Variants in ITGB3 observed in about 807,000 individuals in gnomAD.
The protein encoded by ITGB3 is integrin beta-3.
A neutral mutation model predicts 85.8 loss-of-function variants in ITGB3; 48 were observed. The ratio of observed to expected loss-of-function variants is 0.56; its 90% confidence interval spans 0.44 to 0.71. The LOEUF is 0.71. Ranked by LOEUF, ITGB3 falls within the 30% of genes least tolerant of loss-of-function variation. ITGB3 has a pLI of 0.00. For synonymous variants in ITGB3, 363 were observed against 395.6 expected (o/e 0.92, Z 0.98); for missense variants, 861 against 1,019.1 (o/e 0.84, Z 2.11).
rs774223317 is a variant in ITGB3, at chr17:47,283,351, C to T, written c.166-3C>T. The T allele has an allele frequency of 3.7e-6, 6 of 1,614,180 alleles. No homozygotes were observed. The highest frequency in any genetic ancestry group is 5.1e-6 in the Non-Finnish European group (6 of 1,180,012). On this transcript the variant is annotated splice_polypyrimidine_tract_variant and splice_region_variant and intron_variant, in intron 2 of 14. Coordinates refer to ENST00000559488, the MANE Select transcript of ITGB3 (RefSeq NM_000212.3). ...GACTTCTCTTTGGGCTCCTGTCTTA[C>T]AGGCCCTGCCTCTGGGCTCACCTCG...
chr17:47,261,165 G>T (rs2065007617), intron 1 of ITGB3, among the ~76,000 whole-genome samples: 1 of 152,102 alleles, frequency 6.6e-6, no homozygotes, highest in Non-Finnish European at 1.5e-5. Flanking sequence ...TGCTGAGTTT[G>T]CCATTCCAAG....
chr17:47,260,059 C>T (rs2065003969), intron 1 of ITGB3, among the ~76,000 whole-genome samples: 1 of 147,260 alleles, frequency 6.8e-6, no homozygotes, highest in East Asian at 2.1e-4. Context: ...CATTTCCCCT[C>T]GCATTTATGT....
intron 1 of ITGB3, among the ~76,000 whole-genome samples, chr17:47,263,898 T>C (rs1252191312): frequency 2.0e-5 from 3 of 152,214 alleles, no homozygotes; most frequent in Non-Finnish European, 4.4e-5. Flanking sequence ...ACAAAAATCC[T>C]TCCTGTTTTT....
intron 14 of ITGB3, among the ~76,000 whole-genome samples, chr17:47,308,141 G>A (rs1181808718): frequency 1.2e-5 from 1 of 83,974 alleles, no homozygotes; most frequent in African/African-American, 5.2e-5. Flanking sequence ...CTGGGTGACA[G>A]AGCAGGACTC....
At chr17:47,296,999 T>C (rs895887534) in intron 10 of ITGB3, among the ~76,000 whole-genome samples, 6 of 152,208 alleles carry the variant, frequency 3.9e-5, no homozygotes, top group East Asian at 1.9e-4. Flanking sequence ...AAATTTCTCA[T>C]TGAGATCAAG....
intron 2 of ITGB3, among the ~76,000 whole-genome samples, chr17:47,275,277 G>A (rs1472513602): frequency 6.6e-6 from 1 of 152,172 alleles, no homozygotes; most frequent in Non-Finnish European, 1.5e-5. Context: ...GGACAGGAAA[G>A]GGTTAGTTGT....
In ITGB3 at chr17:47,310,440, G is replaced by T; in HGVS notation, c.*236G>T. The T allele has an allele frequency of 1.7e-6, 1 of 605,840 alleles. No homozygotes were observed. The highest frequency in any genetic ancestry group is 3.0e-6 in the Non-Finnish European group (1 of 328,922). The allele number at this position is 605,840 out of a possible 1,614,324, so 37.5% of individuals were successfully genotyped here. On this transcript the variant is annotated 3_prime_UTR_variant, in exon 15 of 15. Coordinates refer to ENST00000559488, the MANE Select transcript of ITGB3 (RefSeq NM_000212.3). ...GTAATTTAAAATTGTGATGTGTCCT[G>T]ATAAGCTGAGCTCCTTAGCCTTTGT...
intron 1 of ITGB3, among the ~76,000 whole-genome samples, chr17:47,257,800 G>T (rs913354904): frequency 7.9e-5 from 12 of 152,150 alleles, no homozygotes; most frequent in African/African-American, 2.9e-4. Flanking sequence ...GGGAGGAGCC[G>T]TTAGAAGGGC....
intron 1 of ITGB3, among the ~76,000 whole-genome samples, chr17:47,256,475 C>A (rs2064990397): frequency 1.0e-5 from 1 of 95,344 alleles, no homozygotes; most frequent in Non-Finnish European, 2.4e-5. Context: ...AGAGTAATAC[C>A]CCCCCCCCCA....
Position 47,300,346 on chromosome 17 carries a change from C to CGCGCGCGTGCGTGCATGTGTGTGTGT in ITGB3, c.1914-131_1914-130insCGCGCGTGCGTGCATGTGTGTGTGTG, listed in dbSNP as rs377375532. 1.3e-5 allele frequency: 8 copies of CGCGCGCGTGCGTGCATGTGTGTGTGT among 619,728 alleles called. No homozygotes were observed. The African/African-American group carries it at 1.3e-4, about 10-fold the overall frequency. 38.4% of individuals were successfully genotyped at this position (619,728 alleles called of 1,614,324 possible). On this transcript the variant is annotated intron_variant, in intron 11 of 14. Coordinates refer to ENST00000559488, the MANE Select transcript of ITGB3 (RefSeq NM_000212.3). ...GGATTGTCTTACAGGCGCGCGCGCG[C>CGCGCGCGTGCGTGCATGTGTGTGTGT]GTGTGTGTGTGTGTGTGTGTGTTTT...
chr17:47,286,342 G>A lies in ITGB3; in HGVS notation c.697G>A (p.Val233Met). The change falls in exon 5 of 15, where the codon GTG becomes ATG. Residue 233 changes from valine to methionine, a missense_variant. By Grantham distance (21) the Val-to-Met change is conservative (BLOSUM62 1). Transcript: ENST00000559488. Reference sequence around the variant, plus strand: ...CCAGGTGACCCGCTTCAATGAGGAAGTGAAGAAGCAGAGTGTGTCACGGAA... The same window carrying A: ...CCAGGTGACCCGCTTCAATGAGGAAATGAAGAAGCAGAGTGTGTCACGGAA... ...TDQVTRFNEE[V>M]KKQSVSRNRD... 1 of 1,614,214 alleles carries A rather than the reference G, an allele frequency of 6.2e-7. No individual in the cohort carries two copies. Among genetic ancestry groups the A allele is most frequent in the Non-Finnish European group, 8.5e-7 (1 of 1,180,034 alleles).
Position 47,283,442 on chromosome 17 carries a change from G to A in ITGB3, c.254G>A (p.Ser85Asn). Residue 85 changes from serine (S) to asparagine (N), a missense_variant, in exon 3 of 15, where the codon AGT (serine) becomes AAT (asparagine). Transcript: ENST00000559488. The part of the protein sequence containing the change: ...CAPESIEFPV[S>N]EARVLEDRPL... ...CCAGAATCCATCGAGTTCCCAGTGA[G>A]TGAGGCCCGAGTACTAGAGGACAGG... The A allele has an allele frequency of 6.2e-7, 1 of 1,614,246 alleles. No homozygotes were observed. Among genetic ancestry groups the A allele is most frequent in the African/African-American group, 1.3e-5 (1 of 75,062 alleles).
rs755604889 is a variant in ITGB3 at position 47,300,467 on chromosome 17, C to CT, written c.1914-10dup. ...TTCTTTGCCTTAATCACTGTGTCCT[C>CT]TCTCCTTCAGAGAATGTGTGGAGTG... On this transcript the variant is annotated splice_polypyrimidine_tract_variant and intron_variant, in intron 11 of 14. Coordinates refer to ENST00000559488, the MANE Select transcript of ITGB3 (RefSeq NM_000212.3). The CT allele has an allele frequency of 2.5e-6, 4 of 1,606,252 alleles. No homozygotes were observed. The highest frequency in any genetic ancestry group is 8.5e-7 in the Non-Finnish European group (1 of 1,172,804).
chr17:47,303,734 T>C (rs2065176249), intron 13 of ITGB3: 1 of 152,224 alleles, frequency 6.6e-6, no homozygotes, highest in African/African-American at 2.4e-5. Flanking sequence ...CACCAACCAA[T>C]GCTGTCGATC....
intron 14 of ITGB3, 59 bp from the exon 15 acceptor site, chr17:47,310,080 T>A: frequency 6.9e-7 from 1 of 1,450,866 alleles, no homozygotes; most frequent in East Asian, 2.3e-5. Flanking sequence ...TTTTAAACAT[T>A]CAGGGTAGGG....
At chr17:47,308,308 C>T (rs991207329) in intron 14 of ITGB3, among the ~76,000 whole-genome samples, 1 of 151,882 alleles carries the variant, frequency 6.6e-6, no homozygotes, top group Non-Finnish European at 1.5e-5. Flanking sequence ...TCTCTTTTGG[C>T]TCTTCTTTCA....
chr17:47,286,299 C>T lies in ITGB3; in HGVS notation c.654C>T (p.His218=), dbSNP rs375360990. 14 of 1,614,100 alleles carry T rather than the reference C, an allele frequency of 8.7e-6. No homozygotes were observed. The highest frequency in any genetic ancestry group is 1.3e-5 in the African/African-American group (1 of 74,938). ...GCTTGCCCATGTTTGGCTACAAACACGTGCTGACGCTAACTGACCAGGTGA... is the reference window on the plus strand; with the variant it reads ...GCTTGCCCATGTTTGGCTACAAACATGTGCTGACGCTAACTGACCAGGTGA... ...TTCLPMFGYK[H]VLTLTDQVTR... is the part of the protein sequence containing the mutation. Residue 218 remains histidine, a synonymous_variant, in exon 5 of 15, where the codon CAC becomes CAT. Coordinates refer to ENST00000559488, the MANE Select transcript of ITGB3 (RefSeq NM_000212.3).
At chr17:47,265,601 C>T (rs773539630) in intron 1 of ITGB3, among the ~76,000 whole-genome samples, 12 of 152,242 alleles carry the variant, frequency 7.9e-5, no homozygotes, top group African/African-American at 2.6e-4. Flanking sequence ...CCTACCCTAA[C>T]GACATCAATT....
At chr17:47,298,477 T>C (rs903643009) in intron 10 of ITGB3, among the ~76,000 whole-genome samples, 1 of 152,162 alleles carries the variant, frequency 6.6e-6, no homozygotes, top group African/African-American at 2.4e-5. Flanking sequence ...CCCCACCCCA[T>C]CTACCCATAC....
Sources: allele counts gnomAD v4.1 joint callset (sites outside exome capture counted in the v4.1 genomes callset), GRCh38; gene constraint gnomAD v4.1.1; transcripts MANE v1.5; gene names NCBI Gene and HGNC (gene_info 2026-07-23, HGNC 2026-07-21).